Variants in SDK1 observed in about 807,000 individuals in gnomAD.
SDK1 encodes the protein sidekick cell adhesion molecule 1.
SDK1 carries 157 observed loss-of-function variants against 245.5 expected under a neutral mutation model. The observed-to-expected ratio is 0.64, with a 90% CI of 0.56 to 0.73. The LOEUF (loss-of-function observed/expected upper bound fraction) is 0.73, where lower values mean the gene tolerates loss of function less well. Ranked by LOEUF, SDK1 falls within the 30% of genes least tolerant of loss-of-function variation. The pLI, the probability that SDK1 is intolerant of heterozygous loss-of-function variation, is 0.00. For missense variants in SDK1, 3,583 were observed against 3,002.3 expected (o/e 1.19, Z -4.52); for synonymous variants, 1,647 against 1,278.5 (o/e 1.29, Z -6.15).
At chr7:4,184,331 C>T (rs940948909) in intron 35 of SDK1, among the ~76,000 whole-genome samples, 3 of 152,216 alleles carry the variant, frequency 2.0e-5, no homozygotes, top group East Asian at 1.9e-4. Flanking sequence ...TGTGTGACCA[C>T]GGGCAAGTCA....
intron 1 of SDK1, among the ~76,000 whole-genome samples, chr7:3,528,823 G>C (rs1366631183): frequency 1.3e-5 from 2 of 149,466 alleles, no homozygotes; most frequent in South Asian, 2.1e-4. Flanking sequence ...GGAAGACTCA[G>C]AGAGAGAGGT....
chr7:3,386,014 G>A (rs185775903), intron 1 of SDK1, among the ~76,000 whole-genome samples: 7 of 152,012 alleles, frequency 4.6e-5, no homozygotes, highest in Admixed American at 1.3e-4. Flanking sequence ...GGTAAATAAT[G>A]TTATAGATTT....
In SDK1 at chr7:4,221,003, G is replaced by GGCTCAA. The variant is rs1473239969; in HGVS notation, c.5702-233_5702-228dup. 2.0e-5 allele frequency among the ~76,000 whole-genome samples: 3 copies of GGCTCAA among 151,862 alleles called. No homozygotes were observed. The East Asian group carries it at 5.8e-4, about 29-fold the overall frequency. On this transcript the variant is annotated intron_variant, in intron 39 of 44. Coordinates refer to ENST00000404826, the MANE Select transcript of SDK1 (RefSeq NM_152744.4). ...TTTTGCAATGTTGCCCAAACTCCTG[G>GGCTCAA]GCTCAAGCGATCCACCTATCTCAGC...
In SDK1 at chr7:3,464,694, G is replaced by GTATATATATATATA. The variant is rs1408954827; in HGVS notation, c.299-154383_299-154382insATATATATATATAT. On this transcript the variant is annotated intron_variant, in intron 1 of 44. Transcript: ENST00000404826. ...TACATTATTCCCGTTCATTGTGTATGTATGTATATATATATATATATACAC... is the reference window on the plus strand; with the variant it reads ...TACATTATTCCCGTTCATTGTGTATGTATATATATATATATATGTATATATATATATATATACAC... 4.6e-5 allele frequency among the ~76,000 whole-genome samples: 6 copies of GTATATATATATATA among 131,666 alleles called. No homozygotes were observed. In the South Asian group the frequency reaches 9.2e-4, roughly 20 times the overall value. 86.4% of individuals were successfully genotyped at this position (131,666 alleles called of 152,430 possible).
At chr7:4,132,994 C>G (rs1262838649) in intron 28 of SDK1, among the ~76,000 whole-genome samples, 1 of 152,110 alleles carries the variant, frequency 6.6e-6, no homozygotes, top group African/African-American at 2.4e-5. Context: ...CCGTTTGTAA[C>G]CGACCTTCCC....
chr7:3,923,533 C>A (rs749316984), intron 5 of SDK1, among the ~76,000 whole-genome samples: 1 of 152,198 alleles, frequency 6.6e-6, no homozygotes, highest in East Asian at 1.9e-4. Context: ...GTGTGGGCAT[C>A]CCCTGAGTAC....
At chr7:3,956,828 C>G (rs1781302825) in intron 7 of SDK1, among the ~76,000 whole-genome samples, 1 of 152,176 alleles carries the variant, frequency 6.6e-6, no homozygotes, top group African/African-American at 2.4e-5. Flanking sequence ...CAGAGCCATG[C>G]ACTTGCTCAG....
At chr7:3,602,802 A>T (rs1486211737) in intron 1 of SDK1, among the ~76,000 whole-genome samples, 1 of 151,428 alleles carries the variant, frequency 6.6e-6, no homozygotes, top group Non-Finnish European at 1.5e-5. Flanking sequence ...GGGTTTTTAT[A>T]GTTTTAGGTC....
chr7:3,639,240 C>A, intron 3 of SDK1, 130 bp downstream of exon 3: 2 of 490,024 alleles, frequency 4.1e-6, no homozygotes, highest in Non-Finnish European at 7.2e-6. Flanking sequence ...AGAATAATTG[C>A]AAAACTCAGT....
At chr7:3,795,840 G>A (rs575168968) in intron 4 of SDK1, among the ~76,000 whole-genome samples, 7 of 152,250 alleles carry the variant, frequency 4.6e-5, no homozygotes, top group Admixed American at 2.6e-4. Context: ...GTAAAAATCT[G>A]TGAAATTGAC....
chr7:3,755,941 G>A (rs779769254), intron 4 of SDK1, among the ~76,000 whole-genome samples: 1 of 149,276 alleles, frequency 6.7e-6, no homozygotes, highest in Non-Finnish European at 1.5e-5. Flanking sequence ...CATGTATATC[G>A]TTTTAACTCT....
At chr7:3,691,269 T>TA (rs1784430875) in intron 4 of SDK1, among the ~76,000 whole-genome samples, 1 of 152,036 alleles carries the variant, frequency 6.6e-6, no homozygotes. Flanking sequence ...TACCACAGAG[T>TA]AAAAAATGCC....
chr7:3,562,816 C>G (rs1779788136), intron 1 of SDK1, among the ~76,000 whole-genome samples: 1 of 151,834 alleles, frequency 6.6e-6, no homozygotes, highest in Non-Finnish European at 1.5e-5. Flanking sequence ...TTCAGCTATA[C>G]AAGACCTTAT....
At chr7:4,180,402 C>CCAGCTACAGCTCTA (rs1562398803) in intron 35 of SDK1, among the ~76,000 whole-genome samples, 1 of 147,156 alleles carries the variant, frequency 6.8e-6, no homozygotes, top group African/African-American at 2.6e-5. Context: ...TGCCCAGCGC[C>CCAGCTACAGCTCTA]TGGCTCCAGC....
chr7:4,032,071 C>T (rs902397576), intron 17 of SDK1, among the ~76,000 whole-genome samples: 4 of 151,052 alleles, frequency 2.6e-5, no homozygotes, highest in South Asian at 4.2e-4. Flanking sequence ...ATCGATCGAT[C>T]GATCATGTCC....
chr7:3,343,274 G>A (rs756934623), intron 1 of SDK1, among the ~76,000 whole-genome samples: 3 of 152,158 alleles, frequency 2.0e-5, no homozygotes, highest in Non-Finnish European at 4.4e-5. Flanking sequence ...CAGCCCAGAT[G>A]TCCTTCAGTG....
intron 22 of SDK1, among the ~76,000 whole-genome samples, chr7:4,093,498 T>C (rs1026176752): frequency 1.7e-4 from 26 of 150,972 alleles, no homozygotes; most frequent in Admixed American, 8.6e-4. Context: ...CACTTAGTGC[T>C]TATTTGTGCA....
intron 1 of SDK1, among the ~76,000 whole-genome samples, chr7:3,500,508 T>G (rs1782163303): frequency 6.6e-6 from 1 of 152,198 alleles, no homozygotes; most frequent in Admixed American, 6.5e-5. Context: ...GTTGAGAAGT[T>G]AAGAGTCATT....
chr7:4,158,355 G>T, intron 30 of SDK1, 93 bp from the exon 31 acceptor site: 1 of 985,998 alleles, frequency 1.0e-6, no homozygotes, highest in Non-Finnish European at 1.6e-6. Context: ...GCAGGGGAGG[G>T]ATTTGCCCCT....
Sources: allele counts gnomAD v4.1 joint callset (sites outside exome capture counted in the v4.1 genomes callset), GRCh38; gene constraint gnomAD v4.1.1; transcripts MANE v1.5; gene names NCBI Gene and HGNC (gene_info 2026-07-23, HGNC 2026-07-21).